FAM13A: variants seen among roughly 807,000 people sequenced by gnomAD.
The protein encoded by FAM13A is family with sequence similarity 13 member A.
FAM13A carries 76 observed loss-of-function variants against 129.6 expected under a neutral mutation model. The observed-to-expected ratio is 0.59, with a 90% CI of 0.49 to 0.71. The LOEUF (loss-of-function observed/expected upper bound fraction) is 0.71. Ranked by LOEUF, FAM13A falls within the 30% of genes least tolerant of loss-of-function variation. The pLI is 0.00. For synonymous variants in FAM13A, 443 were observed against 449.9 expected (o/e 0.98, Z 0.20); for missense variants, 1,108 against 1,249.3 (o/e 0.89, Z 1.70).
chr4:88,749,469 T>C (rs1742082348), intron 16 of FAM13A, among the ~76,000 whole-genome samples: 1 of 152,202 alleles, frequency 6.6e-6, no homozygotes, highest in Admixed American at 6.5e-5. Context: ...AATATTGAAT[T>C]AAATTTTAGT....
At chr4:88,945,401 T>C (rs1755493305) in intron 4 of FAM13A, among the ~76,000 whole-genome samples, 1 of 152,196 alleles carries the variant, frequency 6.6e-6, no homozygotes. Context: ...AACTTCATGC[T>C]GTGGAGTTTT....
chr4:89,040,572 A>G (rs1769979676), intron 1 of FAM13A, among the ~76,000 whole-genome samples: 1 of 152,210 alleles, frequency 6.6e-6, no homozygotes, highest in Non-Finnish European at 1.5e-5. Context: ...TCATTGGGAA[A>G]GGACTAGATC....
chr4:88,994,623 T>TC (rs900469329), intron 3 of FAM13A, among the ~76,000 whole-genome samples: 8 of 152,100 alleles, frequency 5.3e-5, no homozygotes, highest in African/African-American at 1.9e-4. Context: ...GCGGACTGCT[T>TC]CAGCCCAGGA....
At position 88,726,010 on chromosome 4, in the gene FAM13A, ACT is replaced by A. The variant is rs1560804369; in HGVS notation, c.*2521_*2522del. ...TAAGTTTACTTACACTTATGAAATA[ACT>A]CTTGACATTTATTTTGTTGGCATGT... On this transcript the variant is annotated 3_prime_UTR_variant, in exon 24 of 24. Coordinates refer to ENST00000264344, the MANE Select transcript of FAM13A (RefSeq NM_014883.4). The A allele has an allele frequency of 1.1e-4, 16 of 152,132 alleles. No individual in the cohort carries two copies. Among genetic ancestry groups the A allele is most frequent in the African/African-American group, 3.4e-4 (14 of 41,408 alleles). 9.4% of individuals were successfully genotyped at this position (152,132 alleles called of 1,614,324 possible). A position where few individuals can be genotyped will look rare whatever the true frequency, so the allele number is the denominator to read the frequency against.
At chr4:88,955,726 C>A (rs992646618) in intron 4 of FAM13A, among the ~76,000 whole-genome samples, 2 of 152,118 alleles carry the variant, frequency 1.3e-5, no homozygotes, top group African/African-American at 4.8e-5. Context: ...GGAAGTGGGA[C>A]AAAGGTGACT....
intron 1 of FAM13A, among the ~76,000 whole-genome samples, chr4:89,041,297 C>T (rs978105102): frequency 1.3e-5 from 2 of 152,172 alleles, no homozygotes; most frequent in Non-Finnish European, 2.9e-5. Flanking sequence ...AATACCTTGA[C>T]TTGATCATTA....
intron 7 of FAM13A, among the ~76,000 whole-genome samples, chr4:88,809,954 G>C (rs1303325773): frequency 6.6e-6 from 1 of 151,762 alleles, no homozygotes; most frequent in Non-Finnish European, 1.5e-5. Context: ...GCGGGTGGGG[G>C]ATATTTTACA....
At chr4:88,780,288 C>T (rs1355103884) in intron 11 of FAM13A, among the ~76,000 whole-genome samples, 3 of 152,068 alleles carry the variant, frequency 2.0e-5, no homozygotes, top group Non-Finnish European at 4.4e-5. Flanking sequence ...AAATAGGTGG[C>T]CCATGAATTT....
In FAM13A at chr4:88,769,184, C is replaced by A. The variant is rs1314029045; in HGVS notation, c.1459-1125G>T. Among the ~76,000 whole-genome samples, 4 of 152,274 alleles carry A rather than the reference C, an allele frequency of 2.6e-5. No individual in the cohort carries two copies. The East Asian group carries it at 7.7e-4, about 29-fold the overall frequency. On this transcript the variant is annotated intron_variant, in intron 11 of 23. Coordinates refer to ENST00000264344, the MANE Select transcript of FAM13A (RefSeq NM_014883.4). The stretch of plus-strand genomic sequence containing the variant: ...GTAAATCTAAGGTTCACAATAATCC[C>A]ATGAAGTTGGCATTTACAACAATCT...
intron 1 of FAM13A, among the ~76,000 whole-genome samples, chr4:89,051,728 G>A (rs1019172073): frequency 1.3e-5 from 2 of 152,094 alleles, no homozygotes; most frequent in African/African-American, 4.8e-5. Context: ...GGTGGGTCAG[G>A]CATAGGATAA....
intron 6 of FAM13A, among the ~76,000 whole-genome samples, chr4:88,898,855 A>T (rs1324776125): frequency 6.6e-6 from 1 of 152,166 alleles, no homozygotes; most frequent in Non-Finnish European, 1.5e-5. Flanking sequence ...TATGGAAAAC[A>T]GTGTGGTGAT....
intron 4 of FAM13A, chr4:88,989,919 A>C (rs959841564): frequency 6.6e-6 from 1 of 152,328 alleles, no homozygotes; most frequent in Middle Eastern, 3.4e-3. Flanking sequence ...TAAGTCACCA[A>C]ACAAAGGTTT....
intron 8 of FAM13A, among the ~76,000 whole-genome samples, chr4:88,804,473 T>C (rs1298644844): frequency 1.3e-5 from 2 of 152,182 alleles, no homozygotes; most frequent in Non-Finnish European, 2.9e-5. Flanking sequence ...CAGTACAGCA[T>C]TCAATCACCA....
intron 11 of FAM13A, among the ~76,000 whole-genome samples, chr4:88,769,076 CAAAGT>C (rs1160508430): frequency 2.6e-5 from 4 of 152,176 alleles, no homozygotes; most frequent in Admixed American, 6.5e-5. Context: ...CCTGTGTCAT[CAAAGT>C]AAATTATACA....
intron 5 of FAM13A, among the ~76,000 whole-genome samples, chr4:88,924,728 G>T (rs1368094819): frequency 7.9e-5 from 12 of 151,404 alleles, no homozygotes; most frequent in East Asian, 7.7e-4. Context: ...CTAAAGAGCT[G>T]CTGCACAGCA....
chr4:88,809,811 T>G (rs1323414525), intron 7 of FAM13A, among the ~76,000 whole-genome samples: 1 of 151,796 alleles, frequency 6.6e-6, no homozygotes, highest in Non-Finnish European at 1.5e-5. Flanking sequence ...GTTCTGTTGC[T>G]TAGGTTTTTG....
intron 3 of FAM13A, among the ~76,000 whole-genome samples, chr4:89,010,593 C>T (rs1178954504): frequency 6.6e-6 from 1 of 152,208 alleles, no homozygotes; most frequent in Non-Finnish European, 1.5e-5. Context: ...GACAAAGGAA[C>T]AGTAGTTGCC....
At chr4:88,779,088 AT>A (rs952904750) in intron 11 of FAM13A, among the ~76,000 whole-genome samples, 1 of 151,868 alleles carries the variant, frequency 6.6e-6, no homozygotes, top group African/African-American at 2.4e-5. Context: ...AATATACTTT[AT>A]TGTTTACTTA....
chr4:88,774,601 A>G (rs1721317688), intron 11 of FAM13A, among the ~76,000 whole-genome samples: 1 of 152,182 alleles, frequency 6.6e-6, no homozygotes. Context: ...ACTGAAAACA[A>G]TTGTTTTGTA....
Sources: gnomAD v4.1 joint callset for allele counts (sites outside exome capture counted in the v4.1 genomes callset) on GRCh38, gnomAD v4.1.1 for gene constraint, MANE v1.5 for transcripts, NCBI Gene and HGNC (gene_info 2026-07-23, HGNC 2026-07-21) for gene names.